PFKL: variants seen among roughly 807,000 people sequenced by gnomAD.
The protein encoded by PFKL is ATP-dependent 6-phosphofructokinase, liver type.
In PFKL, 74 loss-of-function variants were observed where a neutral mutation model predicts 92.1. The observed-to-expected ratio is 0.80, with a 90% CI of 0.67 to 0.97. PFKL has a LOEUF of 0.97. PFKL is among the 50% of genes least tolerant of loss of function. The pLI is 0.00. For missense variants in PFKL, 1,028 were observed against 1,116.6 expected (o/e 0.92, Z 1.13); for synonymous variants, 494 against 456.4 (o/e 1.08, Z -1.05).
Position 44,326,993 on chromosome 21 carries a change from C to T in PFKL, c.*131C>T. The T allele has an allele frequency of 1.2e-6, 1 of 831,506 alleles. No homozygotes were observed. 51.5% of individuals were successfully genotyped at this position (831,506 alleles called of 1,614,324 possible). A position where few individuals can be genotyped will look rare whatever the true frequency, so the allele number is the denominator to read the frequency against. ...GGCTGCGTCCCTGCTCAGCCCATCCCCTGCCTCTATCCCTGGCCACCTGCC... is the reference window on the plus strand; with the variant it reads ...GGCTGCGTCCCTGCTCAGCCCATCCTCTGCCTCTATCCCTGGCCACCTGCC... On this transcript the variant is annotated 3_prime_UTR_variant, in exon 22 of 22. Transcript: ENST00000349048.
chr21:44,319,731 G>T, intron 11 of PFKL: 1 of 533,028 alleles, frequency 1.9e-6, no homozygotes, highest in Admixed American at 3.4e-5. Context: ...GGCAGATGTT[G>T]GGTGTGGGTA....
At chr21:44,321,663 C>A in intron 12 of PFKL, 66 bp from the exon 13 acceptor site, 2 of 1,445,542 alleles carry the variant, frequency 1.4e-6, no homozygotes, top group Non-Finnish European at 1.8e-6. Context: ...GCCTGCTGAC[C>A]TCCTGTGCAG....
At chr21:44,308,750 C>A (rs62220386) in intron 2 of PFKL, among the ~76,000 whole-genome samples, 7 of 151,834 alleles carry the variant, frequency 4.6e-5, no homozygotes, top group Admixed American at 3.9e-4. Context: ...TTAGTAGAGA[C>A]GGGGTTTCAC....
intron 12 of PFKL, 155 bp downstream of exon 12, chr21:44,320,302 G>A: frequency 5.3e-6 from 3 of 570,754 alleles, no homozygotes; most frequent in Non-Finnish European, 9.2e-6. Flanking sequence ...CCTCTGCCTG[G>A]GCTCAGGCAC....
rs144085429 is a variant in PFKL at position 44,314,159 on chromosome 21, G to A, written c.747+138G>A. On this transcript the variant is annotated intron_variant, in intron 7 of 21. Coordinates refer to ENST00000349048, the MANE Select transcript of PFKL (RefSeq NM_002626.6). ...GCAGCTGCAGGTGCCCCTTGGGGGC[G>A]GGACACGCAAGGAGTGGGGGGCTAC... 1,037 of 662,208 alleles carry A rather than the reference G, an allele frequency of 1.6e-3. 6 individuals carry two copies. The highest frequency in any genetic ancestry group is 9.7e-3 in the African/African-American group (540 of 55,830). 41.0% of individuals were successfully genotyped at this position (662,208 alleles called of 1,614,324 possible).
At chr21:44,303,725 A>T (rs2146415256) in intron 1 of PFKL, among the ~76,000 whole-genome samples, 1 of 152,236 alleles carries the variant, frequency 6.6e-6, no homozygotes, top group Middle Eastern at 3.4e-3. Context: ...TGACCATTTC[A>T]TGCTCACTGC....
intron 18 of PFKL, 48 bp downstream of exon 18, chr21:44,324,965 G>A: frequency 6.6e-7 from 1 of 1,524,524 alleles, no homozygotes; most frequent in Non-Finnish European, 9.0e-7. Context: ...CCAACTCTCG[G>A]GGCTGGGGTG....
chr21:44,307,257 C>A lies in PFKL; in HGVS notation c.159+503C>A, dbSNP rs905104258. 11 of 984,944 alleles carry A rather than the reference C, an allele frequency of 1.1e-5. No individual in the cohort carries two copies. In the South Asian group the frequency reaches 5.2e-4, roughly 46 times the overall value. The allele number at this position is 984,944 out of a possible 1,614,324, so 61.0% of individuals were successfully genotyped here. On this transcript the variant is annotated intron_variant, in intron 2 of 21. Coordinates refer to ENST00000349048, the MANE Select transcript of PFKL (RefSeq NM_002626.6). ...TGTGTCTATGTTCATTGTGTCCCCG[C>A]AGGAGCAGCGGATGCCCTACTGCCT...
Position 44,324,651 on chromosome 21 carries a change from T to TA in PFKL, c.1814dup (p.Val606GlyfsTer27), listed in dbSNP as rs1423300241. ...GAGGACCCTTTCAACATCCACGACT[T>TA]AAAGGTGAGCCCAGCCCAGCCCCTG... is the stretch of plus-strand genomic sequence containing the variant. On this transcript the variant is annotated frameshift_variant, in exon 17 of 22. Coordinates refer to ENST00000349048, the MANE Select transcript of PFKL (RefSeq NM_002626.6). LOFTEE classifies it high-confidence loss of function. 3.1e-6 allele frequency: 5 copies of TA among 1,587,568 alleles called. No homozygotes were observed. The highest frequency in any genetic ancestry group is 3.4e-6 in the Non-Finnish European group (4 of 1,165,314).
intron 10 of PFKL, among the ~76,000 whole-genome samples, chr21:44,318,866 G>T (rs2145994241): frequency 6.6e-6 from 1 of 152,344 alleles, no homozygotes; most frequent in Admixed American, 6.5e-5. Flanking sequence ...CGGCCACTGA[G>T]CTTCTGTAGG....
chr21:44,313,952 C>A lies in PFKL; in HGVS notation c.678C>A (p.Asp226Glu). 1 of 1,607,272 alleles carries A rather than the reference C, an allele frequency of 6.2e-7. No individual in the cohort carries two copies. The highest frequency in any genetic ancestry group is 8.5e-7 in the Non-Finnish European group (1 of 1,178,184). The change falls in exon 7 of 22, where the codon GAC (aspartate) becomes GAA (glutamate). Residue 226 changes from aspartate (D) to glutamate (E), a missense_variant. Transcript: ENST00000349048. The part of the protein sequence containing the change: ...ALVSALASGA[D>E]WLFIPEAPPE... Reference sequence around the variant, plus strand: ...TATCTGCACTGGCCTCAGGGGCCGACTGGCTGTTCATCCCCGAGGCTCCAC... The same window carrying A: ...TATCTGCACTGGCCTCAGGGGCCGAATGGCTGTTCATCCCCGAGGCTCCAC...
Position 44,315,959 on chromosome 21 carries a change from C to G in PFKL, c.748-285C>G, listed in dbSNP as rs530071340. ...GGGCCCAGCCCCAGCTGTGTGTGTG[C>G]TGGGCCCAGCCCCGAGGGCCCCCTT... On this transcript the variant is annotated intron_variant, in intron 7 of 21. Transcript: ENST00000349048. The G allele has an allele frequency of 6.2e-4, 288 of 465,712 alleles. 1 individual carries two copies. Among genetic ancestry groups the G allele is most frequent in the Non-Finnish European group, 9.6e-4 (242 of 253,254 alleles). The allele number at this position is 465,712 out of a possible 1,614,324, so 28.8% of individuals were successfully genotyped here.
chr21:44,324,160 G>A (rs936706829), intron 16 of PFKL, among the ~76,000 whole-genome samples: 27 of 152,116 alleles, frequency 1.8e-4, no homozygotes, highest in Non-Finnish European at 2.4e-4. Context: ...AGACTGAGGC[G>A]GGAATGTCCC....
Position 44,323,784 on chromosome 21 carries a change from C to T in PFKL, c.1516C>T (p.Gln506Ter). The T allele has an allele frequency of 6.2e-7, 1 of 1,612,694 alleles. No homozygotes were observed. Among genetic ancestry groups the T allele is most frequent in the Non-Finnish European group, 8.5e-7 (1 of 1,179,704 alleles). The part of the protein sequence containing the change: ...GGFEAYEGVL[Q>*]LVEARGRYEE... ...GCTGCAGGCCTATGAAGGGGTGCTG[C>T]AGCTGGTGGAGGCTCGCGGGCGCTA... The change falls in exon 16 of 22, where the codon CAG (glutamine) becomes TAG (stop). Residue 506 changes from glutamine to a stop codon, truncating the protein, a stop_gained. Coordinates refer to ENST00000349048, the MANE Select transcript of PFKL (RefSeq NM_002626.6). LOFTEE classifies it high-confidence loss of function.
chr21:44,311,167 CACAGAG>C, intron 3 of PFKL, 84 bp downstream of exon 3: 1 of 1,036,798 alleles, frequency 9.6e-7, no homozygotes, highest in Non-Finnish European at 1.4e-6. Flanking sequence ...CAGACACACA[CACAGAG>C]ACAGACACGT....
chr21:44,306,598 A>G (rs2040950814), intron 1 of PFKL, 83 bp from the exon 2 acceptor site: 1 of 1,249,368 alleles, frequency 8.0e-7, no homozygotes, highest in Non-Finnish European at 1.1e-6. Flanking sequence ...GGCCTCCCCT[A>G]CCCCCTGTCC....
intron 10 of PFKL, 108 bp downstream of exon 10, chr21:44,318,703 A>T: frequency 1.1e-5 from 10 of 907,752 alleles, no homozygotes; most frequent in East Asian, 4.7e-5. Context: ...ACCGGAGGGC[A>T]GGGCCTCGTG....
At chr21:44,323,724 C>T (rs2047419603) in intron 15 of PFKL, 42 bp from the exon 16 acceptor site, 2 of 1,578,772 alleles carry the variant, frequency 1.3e-6, no homozygotes, top group Non-Finnish European at 1.7e-6. Context: ...CCCACCCTGG[C>T]CTCGGTGCTG....
intron 19 of PFKL, chr21:44,325,709 C>G: frequency 1.8e-6 from 1 of 553,578 alleles, no homozygotes; most frequent in Non-Finnish European, 3.2e-6. Flanking sequence ...ATGCAGGGCC[C>G]AGGAGTCACT....
Sources: allele counts gnomAD v4.1 joint callset (sites outside exome capture counted in the v4.1 genomes callset), GRCh38; gene constraint gnomAD v4.1.1; transcripts MANE v1.5; gene names NCBI Gene and HGNC (gene_info 2026-07-23, HGNC 2026-07-21).